The following CNTNAP2 variants were observed in gnomAD, a reference collection of about 807,000 sequenced individuals.
CNTNAP2 encodes contactin-associated protein-like 2.
Under a neutral mutation model 155.2 loss-of-function variants are expected in CNTNAP2, and 98 were observed. The observed-to-expected ratio is 0.63, with a 90% CI of 0.54 to 0.75. CNTNAP2 has a LOEUF of 0.75. Ranked by LOEUF, CNTNAP2 falls within the 30% of genes least tolerant of loss-of-function variation. The probability of loss-of-function intolerance (pLI) is 0.00; values close to 1 mark genes in which losing one functional copy is unlikely to be tolerated. For missense variants in CNTNAP2, 1,727 were observed against 1,688.1 expected (o/e 1.02, Z -0.40); for synonymous variants, 651 against 631.2 (o/e 1.03, Z -0.47).
intron 13 of CNTNAP2, among the ~76,000 whole-genome samples, chr7:147,862,811 T>A (rs181275047): frequency 1.4e-4 from 21 of 152,314 alleles, no homozygotes; most frequent in Admixed American, 2.6e-4. Flanking sequence ...ATGATATAGC[T>A]ACCTCTAGGA....
At chr7:146,261,113 C>G (rs1799913160) in intron 1 of CNTNAP2, among the ~76,000 whole-genome samples, 1 of 152,114 alleles carries the variant, frequency 6.6e-6, no homozygotes, top group South Asian at 2.1e-4. Flanking sequence ...TCAGACGTGC[C>G]TTGCTTCCCC....
At chr7:146,609,589 A>T (rs1157601034) in intron 1 of CNTNAP2, among the ~76,000 whole-genome samples, 1 of 152,220 alleles carries the variant, frequency 6.6e-6, no homozygotes, top group African/African-American at 2.4e-5. Flanking sequence ...AATTTTTATC[A>T]TATACCTAAA....
chr7:146,586,390 C>A (rs533393641), intron 1 of CNTNAP2, among the ~76,000 whole-genome samples: 1 of 152,202 alleles, frequency 6.6e-6, no homozygotes, highest in South Asian at 2.1e-4. Context: ...CAAACCCCAC[C>A]AAAATCTCTA....
chr7:146,934,714 A>G (rs559540142), intron 3 of CNTNAP2, among the ~76,000 whole-genome samples: 20 of 152,314 alleles, frequency 1.3e-4, no homozygotes, highest in African/African-American at 2.9e-4. Flanking sequence ...AAGCTCCCCA[A>G]TGGCAGACAT....
intron 7 of CNTNAP2, among the ~76,000 whole-genome samples, chr7:147,131,233 GTATACCATATACA>G (rs948207327): frequency 6.6e-6 from 1 of 150,520 alleles, no homozygotes; most frequent in East Asian, 2.0e-4. Flanking sequence ...CCATACACAT[GTATACCATATACA>G]TATACCATAT....
chr7:148,353,790 G>C (rs1257369336), intron 21 of CNTNAP2, among the ~76,000 whole-genome samples: 2 of 152,116 alleles, frequency 1.3e-5, no homozygotes, highest in African/African-American at 2.4e-5. Flanking sequence ...CATCAAACTA[G>C]GCATTTAAAA....
chr7:148,310,090 TA>T (rs1230108269), intron 21 of CNTNAP2, among the ~76,000 whole-genome samples: 1 of 152,106 alleles, frequency 6.6e-6, no homozygotes, highest in African/African-American at 2.4e-5. Flanking sequence ...TACGATTTTG[TA>T]TAAATTGAAA....
intron 8 of CNTNAP2, among the ~76,000 whole-genome samples, chr7:147,133,014 A>G (rs926796532): frequency 5.3e-5 from 8 of 152,150 alleles, no homozygotes; most frequent in Non-Finnish European, 8.8e-5. Flanking sequence ...GAAAGTGAAT[A>G]TAAAGGTGGA....
At chr7:147,124,357 T>C (rs959128853) in intron 6 of CNTNAP2, among the ~76,000 whole-genome samples, 9 of 152,264 alleles carry the variant, frequency 5.9e-5, no homozygotes, top group Admixed American at 3.9e-4. Context: ...ACAAAGGCAT[T>C]GAGGCCCAAA....
At chr7:146,164,523 A>G (rs1229274128) in intron 1 of CNTNAP2, among the ~76,000 whole-genome samples, 2 of 152,114 alleles carry the variant, frequency 1.3e-5, no homozygotes, top group Non-Finnish European at 2.9e-5. Flanking sequence ...CCTTGACATT[A>G]TTAGAGGGGC....
chr7:147,771,609 C>T (rs960696193), intron 13 of CNTNAP2, among the ~76,000 whole-genome samples: 1 of 152,138 alleles, frequency 6.6e-6, no homozygotes, highest in Non-Finnish European at 1.5e-5. Flanking sequence ...GTTGAAATTT[C>T]GTTCACATTC....
intron 8 of CNTNAP2, among the ~76,000 whole-genome samples, chr7:147,216,202 CAACT>C (rs1803266514): frequency 6.6e-6 from 1 of 151,652 alleles, no homozygotes; most frequent in South Asian, 2.1e-4. Flanking sequence ...TCTAGTTCAC[CAACT>C]GTTTCTTTCA....
At chr7:146,744,723 G>A (rs1181368243) in intron 1 of CNTNAP2, among the ~76,000 whole-genome samples, 6 of 152,068 alleles carry the variant, frequency 3.9e-5, no homozygotes, top group African/African-American at 1.4e-4. Context: ...CAAATTCAGT[G>A]GTGGTAAATG....
chr7:147,949,509 T>C (rs1800887249), intron 14 of CNTNAP2, among the ~76,000 whole-genome samples: 1 of 150,262 alleles, frequency 6.7e-6, no homozygotes, highest in Admixed American at 6.7e-5. Flanking sequence ...TCCAAAGCTA[T>C]AATCCTGACT....
At chr7:148,145,422 G>A (rs1015316584) in intron 16 of CNTNAP2, among the ~76,000 whole-genome samples, 9 of 152,276 alleles carry the variant, frequency 5.9e-5, no homozygotes, top group East Asian at 1.9e-4. Flanking sequence ...ACCTGGACAC[G>A]AATTCATCAT....
At chr7:147,154,405 G>A (rs1377957224) in intron 8 of CNTNAP2, among the ~76,000 whole-genome samples, 1 of 152,086 alleles carries the variant, frequency 6.6e-6, no homozygotes, top group African/African-American at 2.4e-5. Flanking sequence ...ATTATGGAGT[G>A]CTTTTAATCT....
intron 17 of CNTNAP2, among the ~76,000 whole-genome samples, chr7:148,156,288 C>T (rs892354160): frequency 6.6e-6 from 1 of 152,154 alleles, no homozygotes; most frequent in African/African-American, 2.4e-5. Flanking sequence ...TTTATAAAGT[C>T]GTCAAAGTCA....
intron 1 of CNTNAP2, among the ~76,000 whole-genome samples, chr7:146,657,183 C>A (rs1214119753): frequency 1.3e-5 from 2 of 152,160 alleles, no homozygotes; most frequent in South Asian, 2.1e-4. Flanking sequence ...TGACTTCTAA[C>A]AAAAACTGTT....
At chr7:148,077,501 A>G (rs958746774) in intron 15 of CNTNAP2, among the ~76,000 whole-genome samples, 1 of 152,176 alleles carries the variant, frequency 6.6e-6, no homozygotes, top group African/African-American at 2.4e-5. Flanking sequence ...GCTGCATGGC[A>G]CAGACCATAA....
Sources: gnomAD v4.1 joint callset for allele counts (sites outside exome capture counted in the v4.1 genomes callset) on GRCh38, gnomAD v4.1.1 for gene constraint, MANE v1.5 for transcripts, NCBI Gene and HGNC (gene_info 2026-07-23, HGNC 2026-07-21) for gene names.